Variants in MAGED1 observed in about 807,000 individuals in gnomAD.
MAGED1 encodes the protein MAGE family member D1.
A neutral mutation model predicts 54.1 loss-of-function variants in MAGED1; 3 were observed. The ratio of observed to expected loss-of-function variants is 0.06; its 90% CI spans 0.03 to 0.14. MAGED1 has a LOEUF of 0.14. MAGED1 is among the 10% of genes least tolerant of loss of function. MAGED1 has a pLI of 1.00. For synonymous variants in MAGED1, 217 were observed against 227.3 expected (o/e 0.95, Z 0.41); for missense variants, 485 against 623.4 (o/e 0.78, Z 2.36).
At chrX:51,852,098 G>A (rs1344352172) in intron 1 of MAGED1, among the ~76,000 whole-genome samples, 2 of 111,564 alleles carry the variant, frequency 1.8e-5, no homozygotes, top group African/African-American at 6.5e-5. Context: ...CTGTCTTCTT[G>A]CTTTTTCCAG....
intron 1 of MAGED1, among the ~76,000 whole-genome samples, chrX:51,871,155 A>G (rs1357760642): frequency 9.0e-6 from 1 of 111,305 alleles, no homozygotes; most frequent in Non-Finnish European, 1.9e-5. Flanking sequence ...TTGGATCTCC[A>G]TTTCTCCTCA....
chrX:51,814,554 G>A (rs181258824), intron 1 of MAGED1, among the ~76,000 whole-genome samples: 3 of 111,436 alleles, frequency 2.7e-5, no homozygotes, highest in Admixed American at 9.5e-5. Flanking sequence ...TAGGGACCCC[G>A]CAGAAATATA....
intron 1 of MAGED1, among the ~76,000 whole-genome samples, chrX:51,866,279 C>T (rs1927457335): frequency 8.9e-6 from 1 of 111,789 alleles, no homozygotes; most frequent in Non-Finnish European, 1.9e-5. Context: ...TATGAATGAT[C>T]ACTTTGTGGG....
At chrX:51,894,875 C>A in intron 2 of MAGED1, 178 bp from the exon 3 acceptor site, 1 of 1,034,721 alleles carries the variant, frequency 9.7e-7, no homozygotes, top group African/African-American at 1.9e-5. Flanking sequence ...GTTTAGTACC[C>A]GCCTGGTCCC....
intron 1 of MAGED1, among the ~76,000 whole-genome samples, chrX:51,871,607 A>AT (rs1404135084): frequency 1.2e-4 from 13 of 108,847 alleles, no homozygotes; most frequent in African/African-American, 4.1e-4. Context: ...TGAACTCATC[A>AT]TTTTTTATGG....
chrX:51,883,879 A>T (rs1928150012), intron 1 of MAGED1, among the ~76,000 whole-genome samples: 1 of 112,080 alleles, frequency 8.9e-6, no homozygotes, highest in South Asian at 3.7e-4. Context: ...AGATGAACTC[A>T]ACAGCAAAAT....
chrX:51,896,153 G>A, intron 3 of MAGED1: 5 of 413,410 alleles, frequency 1.2e-5, no homozygotes, highest in Non-Finnish European at 2.1e-5. Context: ...ATTTGTTCAG[G>A]GTGGTACAGG....
At chrX:51,839,145 A>G (rs191026229) in intron 1 of MAGED1, among the ~76,000 whole-genome samples, 281 of 111,935 alleles carry the variant, frequency 2.5e-3, no homozygotes, top group African/African-American at 8.9e-3. Flanking sequence ...GCTCTCTAGA[A>G]GAGCAGAGTG....
rs1557364594 is a variant in MAGED1 at position 51,898,526 on chromosome X, G to A, written c.1782-55G>A. 2.8e-6 allele frequency: 3 copies of A among 1,089,651 alleles called. No homozygotes were observed. In the African/African-American group the frequency reaches 5.5e-5, roughly 20 times the overall value. The allele number at this position is 1,089,651 out of a possible 1,213,427, so 89.8% of individuals were successfully genotyped here. ...TCATCTCTGACCTCTGTTCTGGAAA[G>A]CTCTTTGGGCATGGTAATAGCCTCT... On this transcript the variant is annotated intron_variant, in intron 9 of 12. Coordinates refer to ENST00000326587, the MANE Select transcript of MAGED1 (RefSeq NM_006986.4).
chrX:51,841,912 A>G (rs1926506777), intron 1 of MAGED1, among the ~76,000 whole-genome samples: 1 of 111,566 alleles, frequency 9.0e-6, no homozygotes, highest in African/African-American at 3.3e-5. Context: ...TTGAATTGGC[A>G]ATGCGGGCTC....
At chrX:51,819,320 CCAA>C (rs1333292874) in intron 1 of MAGED1, among the ~76,000 whole-genome samples, 1 of 109,844 alleles carries the variant, frequency 9.1e-6, no homozygotes, top group Non-Finnish European at 1.9e-5. Flanking sequence ...CAACGAAAAC[CCAA>C]GCTTGTCTCC....
chrX:51,863,747 A>G (rs1174515490), intron 1 of MAGED1, among the ~76,000 whole-genome samples: 2 of 112,096 alleles, frequency 1.8e-5, no homozygotes, highest in Admixed American at 9.5e-5. Flanking sequence ...AACACTTTCA[A>G]TATACCTGTT....
At chrX:51,862,179 C>A (rs1927305437) in intron 1 of MAGED1, among the ~76,000 whole-genome samples, 1 of 110,852 alleles carries the variant, frequency 9.0e-6, no homozygotes, top group Admixed American at 9.6e-5. Flanking sequence ...TCCTAGATAC[C>A]TGGTAGGTAG....
chrX:51,900,156 A>T (rs782157912), intron 10 of MAGED1, 26 bp from the exon 11 acceptor site: 1 of 994,714 alleles, frequency 1.0e-6, no homozygotes, highest in Non-Finnish European at 1.4e-6. Context: ...GGGTAGGTAG[A>T]CACAAAGACT....
chrX:51,896,985 C>A lies in MAGED1; in HGVS notation c.1330C>A (p.Pro444Thr). 1.7e-6 allele frequency: 2 copies of A among 1,211,226 alleles called. No individual in the cohort carries two copies. The highest frequency in any genetic ancestry group is 2.2e-6 in the Non-Finnish European group (2 of 895,273). ...PIPPDWQNLR[P>T]SPNLRPSPNS... ...TCCACCTGACTGGCAGAACCTGCGC[C>A]CCTCGCCTAACCTGCGCCCTTCTCC... Residue 444 changes from proline to threonine, a missense_variant, in exon 4 of 13, where the codon CCC becomes ACC. Pro to Thr is a conservative substitution (Grantham distance 38). Transcript: ENST00000326587.
Position 51,872,010 on chromosome X carries a change from T to G in MAGED1, c.-36-22259T>G, listed in dbSNP as rs1280181337. Among the ~76,000 whole-genome samples the G allele has an allele frequency of 3.6e-5, 4 of 111,564 alleles. No individual in the cohort carries two copies. In the Admixed American group the frequency reaches 3.8e-4, roughly 11 times the overall value. On this transcript the variant is annotated intron_variant, in intron 1 of 12. Coordinates refer to the MAGED1 transcript ENST00000375772. ...TATCTCATTGTGGTTTTGATTTGCA[T>G]TTCTCTGATGGCCAGTGATGATGAG...
At chrX:51,866,690 T>G (rs1557361118) in intron 1 of MAGED1, among the ~76,000 whole-genome samples, 1 of 112,191 alleles carries the variant, frequency 8.9e-6, no homozygotes. Flanking sequence ...AAGACTAAAT[T>G]CTAAATTTTT....
intron 1 of MAGED1, among the ~76,000 whole-genome samples, chrX:51,872,437 A>T (rs1449170384): frequency 8.9e-6 from 1 of 111,859 alleles, no homozygotes; most frequent in Non-Finnish European, 1.9e-5. Context: ...TCTTTCCATC[A>T]CAGTGCTTTT....
chrX:51,832,911 A>G (rs868923264), intron 1 of MAGED1, among the ~76,000 whole-genome samples: 21 of 111,765 alleles, frequency 1.9e-4, no homozygotes, highest in African/African-American at 6.2e-4. Flanking sequence ...TTAATTTCTC[A>G]TAAAAGCACA....
Sources: allele counts gnomAD v4.1 joint callset (sites outside exome capture counted in the v4.1 genomes callset), GRCh38; gene constraint gnomAD v4.1.1; transcripts MANE v1.5; gene names NCBI Gene and HGNC (gene_info 2026-07-23, HGNC 2026-07-21).